Variants in NLGN1 observed in about 807,000 individuals in gnomAD.
NLGN1 encodes the protein neuroligin-1.
A neutral mutation model predicts 65.5 loss-of-function variants in NLGN1; 12 were observed. The observed-to-expected ratio is 0.18, with a 90% CI of 0.12 to 0.30. The LOEUF (loss-of-function observed/expected upper bound fraction) is 0.30. NLGN1 is among the 10% of genes least tolerant of loss of function. NLGN1 has a pLI of 1.00. For missense variants in NLGN1, 750 were observed against 1,007.1 expected (o/e 0.74, Z 3.46); for synonymous variants, 350 against 359.5 (o/e 0.97, Z 0.30).
intron 1 of NLGN1, among the ~76,000 whole-genome samples, chr3:173,434,753 A>G (rs1157372965): frequency 2.0e-5 from 3 of 152,158 alleles, no homozygotes; most frequent in Non-Finnish European, 2.9e-5. Flanking sequence ...TATTTATCCA[A>G]TTTTCAGTGT....
At chr3:173,898,586 A>G in intron 4 of NLGN1, among the ~76,000 whole-genome samples, 1 of 152,182 alleles carries the variant, frequency 6.6e-6, no homozygotes, top group East Asian at 1.9e-4. Context: ...CTTCTATAAC[A>G]ATGTAGTAGC....
At chr3:173,747,218 TATATATTTA>T (rs1775568301) in intron 3 of NLGN1, among the ~76,000 whole-genome samples, 1 of 137,260 alleles carries the variant, frequency 7.3e-6, no homozygotes, top group East Asian at 2.7e-4. Flanking sequence ...TCTTTAAGTA[TATATATTTA>T]AATATATATA....
chr3:174,167,270 T>G (rs1397740658), intron 4 of NLGN1, among the ~76,000 whole-genome samples: 2 of 152,034 alleles, frequency 1.3e-5, no homozygotes, highest in African/African-American at 4.8e-5. Flanking sequence ...TTTTATTCTA[T>G]TTTTGCTTTA....
chr3:173,789,004 T>C (rs1020615013), intron 3 of NLGN1, among the ~76,000 whole-genome samples: 1 of 151,954 alleles, frequency 6.6e-6, no homozygotes, highest in African/African-American at 2.4e-5. Flanking sequence ...CAGACCAACC[T>C]GGCCAATATG....
At chr3:173,448,739 A>C (rs916705699) in intron 2 of NLGN1, among the ~76,000 whole-genome samples, 8 of 152,030 alleles carry the variant, frequency 5.3e-5, no homozygotes, top group Non-Finnish European at 7.4e-5. Flanking sequence ...TCAATTTCAG[A>C]GCCTGTTATT....
Position 173,656,213 on chromosome 3 carries a change from A to T in NLGN1, c.493+51122A>T, listed in dbSNP as rs114893648. ...CTTAGGTTTCCTGCATCCAGACCCC[A>T]TTCTCCTGCTTCACATATGCCTAAA... On this transcript the variant is annotated intron_variant, in intron 3 of 6. Coordinates refer to ENST00000457714, the Ensembl canonical transcript of NLGN1. Among the ~76,000 whole-genome samples the T allele has an allele frequency of 6.3e-3, 965 of 152,190 alleles. 13 individuals carry two copies. The highest frequency in any genetic ancestry group is 0.022 in the African/African-American group (919 of 41,546).
At chr3:173,471,982 C>A (rs1272670527) in intron 2 of NLGN1, among the ~76,000 whole-genome samples, 1 of 152,008 alleles carries the variant, frequency 6.6e-6, no homozygotes, top group Non-Finnish European at 1.5e-5. Flanking sequence ...AAATTCAAAT[C>A]TGATTATTAA....
intron 3 of NLGN1, among the ~76,000 whole-genome samples, chr3:173,636,155 A>G (rs766155687): frequency 6.6e-6 from 1 of 152,156 alleles, no homozygotes; most frequent in Non-Finnish European, 1.5e-5. Context: ...GTAGAATGTA[A>G]TTAGTTGGCG....
intron 4 of NLGN1, among the ~76,000 whole-genome samples, chr3:174,212,045 G>T (rs1014919879): frequency 2.0e-5 from 3 of 152,152 alleles, no homozygotes; most frequent in Non-Finnish European, 4.4e-5. Flanking sequence ...CGGGAGGCTC[G>T]GGCTGCACAG....
intron 2 of NLGN1, among the ~76,000 whole-genome samples, chr3:173,503,142 A>G (rs1731432442): frequency 1.3e-5 from 2 of 151,934 alleles, no homozygotes; most frequent in South Asian, 4.1e-4. Flanking sequence ...CTAACACTTA[A>G]GGATATTGAA....
At chr3:174,242,339 G>C (rs1241701851) in intron 4 of NLGN1, among the ~76,000 whole-genome samples, 1 of 151,638 alleles carries the variant, frequency 6.6e-6, no homozygotes, top group Admixed American at 6.6e-5. Flanking sequence ...GTTGCAGTGA[G>C]CCGAGATTGC....
intron 4 of NLGN1, among the ~76,000 whole-genome samples, chr3:173,911,686 ACTGT>A (rs1739627014): frequency 1.3e-5 from 2 of 152,184 alleles, no homozygotes; most frequent in African/African-American, 4.8e-5. Context: ...GCTCTAACTG[ACTGT>A]CAGTTCAGCA....
chr3:173,710,823 C>T (rs369317111), intron 3 of NLGN1, among the ~76,000 whole-genome samples: 3 of 152,052 alleles, frequency 2.0e-5, no homozygotes, highest in East Asian at 1.9e-4. Context: ...AAGTACCATG[C>T]GAGAGTAAAC....
intron 4 of NLGN1, among the ~76,000 whole-genome samples, chr3:174,202,022 C>G (rs1435694316): frequency 6.6e-6 from 1 of 151,706 alleles, no homozygotes; most frequent in Non-Finnish European, 1.5e-5. Flanking sequence ...CCATTTCTTC[C>G]TCCTTCTTTC....
intron 3 of NLGN1, among the ~76,000 whole-genome samples, chr3:173,760,192 G>A (rs770195756): frequency 1.3e-5 from 2 of 151,746 alleles, no homozygotes; most frequent in Non-Finnish European, 2.9e-5. Context: ...TTTTTACTTT[G>A]AGCACATCCT....
At position 174,106,351 on chromosome 3, in the gene NLGN1, T is replaced by C. The variant is rs73880348; in HGVS notation, c.647-168964T>C. ...TATTATGAACTAAATCTAGATTTTT[T>C]AATCTGATCTTTTCTCTCAATATTT... On this transcript the variant is annotated intron_variant, in intron 4 of 6. Transcript: ENST00000457714. Among the ~76,000 whole-genome samples the C allele has an allele frequency of 6.6e-3, 1,001 of 152,212 alleles. 13 individuals carry two copies. The highest frequency in any genetic ancestry group is 0.023 in the African/African-American group (940 of 41,550).
chr3:173,710,470 G>A (rs918410552), intron 3 of NLGN1, among the ~76,000 whole-genome samples: 1 of 151,986 alleles, frequency 6.6e-6, no homozygotes, highest in African/African-American at 2.4e-5. Flanking sequence ...TAAATGCAAC[G>A]TTTCTGAATT....
intron 2 of NLGN1, among the ~76,000 whole-genome samples, chr3:173,563,304 C>A (rs1198612760): frequency 6.6e-6 from 1 of 152,140 alleles, no homozygotes; most frequent in Non-Finnish European, 1.5e-5. Flanking sequence ...AATGTGCATG[C>A]ACTTGCTAGT....
intron 4 of NLGN1, among the ~76,000 whole-genome samples, chr3:174,223,497 C>G (rs773742593): frequency 2.1e-4 from 32 of 152,040 alleles, no homozygotes; most frequent in Admixed American, 7.9e-4. Flanking sequence ...TATTCTCTAG[C>G]ATTTATTTCC....
Sources: gnomAD v4.1 joint callset for allele counts (sites outside exome capture counted in the v4.1 genomes callset) on GRCh38, gnomAD v4.1.1 for gene constraint, MANE v1.5 for transcripts, NCBI Gene and HGNC (gene_info 2026-07-23, HGNC 2026-07-21) for gene names.